RLIG1: variants seen among roughly 807,000 people sequenced by gnomAD.
The protein encoded by RLIG1 is RNA ligase 1.
At chr12:88,045,613 G>C in the RLIG1 span, 1 of 1,612,312 alleles carries the variant, frequency 6.2e-7, no homozygotes, top group Non-Finnish European at 8.5e-7. Flanking sequence ...ACAACAAACA[G>C]TATTGCTGGC....
At chr12:88,045,103 A>G in the RLIG1 span, 1 of 154,340 alleles carries the variant, frequency 6.5e-6, no homozygotes, top group African/African-American at 2.4e-5. Context: ...TAATGAAGGA[A>G]TTCTGGCAAT....
chr12:88,045,493 G>T, the RLIG1 span: 1 of 969,246 alleles, frequency 1.0e-6, no homozygotes. Flanking sequence ...GAAAACATGA[G>T]AAATTTACAA....
At chr12:88,037,708 G>A in the RLIG1 span, among the ~76,000 whole-genome samples, 1 of 151,988 alleles carries the variant, frequency 6.6e-6, no homozygotes, top group African/African-American at 2.4e-5. Flanking sequence ...TACTAGAAGG[G>A]GCTAATTTCT....
At chr12:88,046,504 G>T in the RLIG1 span, among the ~76,000 whole-genome samples, 1 of 152,016 alleles carries the variant, frequency 6.6e-6, no homozygotes, top group African/African-American at 2.4e-5. Flanking sequence ...AGGAGCTACA[G>T]ACAGTACTTA....
chr12:88,035,616 C>T, the RLIG1 span: 1 of 1,573,236 alleles, frequency 6.4e-7, no homozygotes, highest in Non-Finnish European at 8.6e-7. Context: ...CTCGAAAGCA[C>T]GCCCTCCATT....
At chr12:88,040,231 G>A in the RLIG1 span, 3 of 1,604,738 alleles carry the variant, frequency 1.9e-6, no homozygotes, top group Middle Eastern at 1.7e-4. Flanking sequence ...CAGAAAAAGT[G>A]GATGGAACAT....
chr12:88,043,800 T>A, the RLIG1 span: 3 of 951,030 alleles, frequency 3.2e-6, no homozygotes, highest in Non-Finnish European at 4.8e-6. Flanking sequence ...TACAGAATTT[T>A]AATCTGGGTC....
the RLIG1 span, chr12:88,049,635 C>A: frequency 2.6e-6 from 1 of 377,804 alleles, no homozygotes; most frequent in Non-Finnish European, 4.7e-6. Context: ...AAGTTGTGTT[C>A]TAGTCTTTGA....
At chr12:88,039,953 G>C in the RLIG1 span, among the ~76,000 whole-genome samples, 1 of 152,064 alleles carries the variant, frequency 6.6e-6, no homozygotes, top group African/African-American at 2.4e-5. Context: ...TAGAAAATCA[G>C]GTGTTGCTGT....
chr12:88,040,261 T>C, the RLIG1 span: 6 of 1,500,742 alleles, frequency 4.0e-6, no homozygotes, highest in Admixed American at 1.8e-5. Flanking sequence ...TTACTACCTA[T>C]AAAGGTAAAA....
the RLIG1 span, among the ~76,000 whole-genome samples, chr12:88,047,267 C>T: frequency 6.6e-6 from 1 of 152,110 alleles, no homozygotes; most frequent in African/African-American, 2.4e-5. Context: ...ACATCTTGTA[C>T]TAACTTAACT....
the RLIG1 span, chr12:88,046,807 G>A: frequency 3.7e-5 from 59 of 1,604,698 alleles, no homozygotes; most frequent in Non-Finnish European, 4.7e-5. Context: ...TCCCACTTAG[G>A]GTTAGGGAGC....
chr12:88,038,156 C>G, the RLIG1 span, among the ~76,000 whole-genome samples: 1 of 152,062 alleles, frequency 6.6e-6, no homozygotes, highest in South Asian at 2.1e-4. Context: ...AGACATAGAA[C>G]TAAAATGGTT....
At chr12:88,040,026 G>A in the RLIG1 span, 17 of 689,402 alleles carry the variant, frequency 2.5e-5, no homozygotes, top group Middle Eastern at 2.9e-4. Context: ...AAATCATTCT[G>A]AAAGATGAAC....
chr12:88,048,707 A>AATG, the RLIG1 span: 1 of 227,472 alleles, frequency 4.4e-6, no homozygotes, highest in African/African-American at 2.3e-5. Context: ...ACAACAATTT[A>AATG]ATGTCACTAA....
chr12:88,048,249 C>A, the RLIG1 span: 10 of 1,561,180 alleles, frequency 6.4e-6, no homozygotes, highest in African/African-American at 1.2e-4. Context: ...TCGCCATCAT[C>A]TTGGCTTATG....
the RLIG1 span, chr12:88,049,056 C>A: frequency 4.7e-5 from 22 of 467,128 alleles, no homozygotes; most frequent in Middle Eastern, 5.2e-3. Flanking sequence ...TTAAGAATTC[C>A]AATCTAAGTA....
At chr12:88,040,240 A>G in the RLIG1 span, 4 of 1,584,914 alleles carry the variant, frequency 2.5e-6, no homozygotes, top group Admixed American at 3.4e-5. Context: ...TGGATGGAAC[A>G]TGTTGTTATG....
At chr12:88,041,880 G>A in the RLIG1 span, 2 of 152,142 alleles carry the variant, frequency 1.3e-5, no homozygotes, top group African/African-American at 4.8e-5. Context: ...AAACTATAGT[G>A]TGTATCATTA....
Sources: gnomAD v4.1 joint callset for allele counts (sites outside exome capture counted in the v4.1 genomes callset) on GRCh38, gnomAD v4.1.1 for gene constraint, MANE v1.5 for transcripts, NCBI Gene and HGNC (gene_info 2026-07-23, HGNC 2026-07-21) for gene names.